MMP16: variants seen among roughly 807,000 people sequenced by gnomAD.
The protein encoded by MMP16 is matrix metalloproteinase-16.
A neutral mutation model predicts 67.8 loss-of-function variants in MMP16; 12 were observed. The ratio of observed to expected loss-of-function variants is 0.18; its 90% CI spans 0.11 to 0.29. The LOEUF is 0.29. MMP16 is among the 10% of genes least tolerant of loss of function. MMP16 has a pLI of 1.00. For synonymous variants in MMP16, 249 were observed against 255.9 expected (o/e 0.97, Z 0.26); for missense variants, 475 against 765.7 (o/e 0.62, Z 4.48).
chr8:88,234,341 T>C (rs956795240), intron 1 of MMP16, among the ~76,000 whole-genome samples: 2 of 152,200 alleles, frequency 1.3e-5, no homozygotes, highest in African/African-American at 4.8e-5. Context: ...ATTACTGCTT[T>C]CCTAAGAATT....
intron 1 of MMP16, among the ~76,000 whole-genome samples, chr8:88,254,908 G>C (rs1429429059): frequency 1.3e-5 from 2 of 152,078 alleles, no homozygotes; most frequent in African/African-American, 4.8e-5. Context: ...ATCACTATAA[G>C]ATATTAATAA....
chr8:88,295,540 G>A (rs1176558998), intron 1 of MMP16, among the ~76,000 whole-genome samples: 1 of 152,186 alleles, frequency 6.6e-6, no homozygotes, highest in Non-Finnish European at 1.5e-5. Context: ...TTATACTACA[G>A]AGGCTGTATC....
intron 8 of MMP16, among the ~76,000 whole-genome samples, chr8:88,047,587 T>C (rs1257013484): frequency 1.3e-5 from 2 of 152,096 alleles, no homozygotes; most frequent in Admixed American, 1.3e-4. Flanking sequence ...AAACTAGGAA[T>C]TGAAAATTCC....
At chr8:88,161,896 T>G (rs1021262100) in intron 4 of MMP16, among the ~76,000 whole-genome samples, 2 of 152,152 alleles carry the variant, frequency 1.3e-5, no homozygotes, top group African/African-American at 4.8e-5. Context: ...GAGTTCTAGT[T>G]TGATTGCGCT....
chr8:88,169,012 A>G (rs1015588369), intron 3 of MMP16, among the ~76,000 whole-genome samples: 1 of 152,118 alleles, frequency 6.6e-6, no homozygotes, highest in East Asian at 1.9e-4. Flanking sequence ...CAGCTGATAA[A>G]TAAAATATTT....
chr8:88,069,012 A>T (rs1329866016), intron 7 of MMP16, among the ~76,000 whole-genome samples: 2 of 152,120 alleles, frequency 1.3e-5, no homozygotes, highest in Non-Finnish European at 2.9e-5. Flanking sequence ...AAAATCAAGT[A>T]GCATTTCCAA....
chr8:88,173,065 G>A (rs186764923), intron 3 of MMP16, among the ~76,000 whole-genome samples: 172 of 152,126 alleles, frequency 1.1e-3, no homozygotes, highest in Admixed American at 2.8e-3. Context: ...TGTTGTTGTG[G>A]TTAAGACAGG....
chr8:88,281,897 G>A (rs929698897), intron 1 of MMP16, among the ~76,000 whole-genome samples: 2 of 152,046 alleles, frequency 1.3e-5, no homozygotes, highest in African/African-American at 4.8e-5. Context: ...ACCACCACAA[G>A]CTCTTCTATG....
intron 4 of MMP16, among the ~76,000 whole-genome samples, chr8:88,158,614 T>C (rs1808557130): frequency 6.6e-6 from 1 of 152,352 alleles, no homozygotes; most frequent in African/African-American, 2.4e-5. Context: ...ATTCTGTAGG[T>C]TGCCTGTTCA....
chr8:88,187,751 A>G (rs1041329114), intron 2 of MMP16, among the ~76,000 whole-genome samples: 8 of 152,226 alleles, frequency 5.3e-5, no homozygotes, highest in African/African-American at 1.9e-4. Flanking sequence ...TTACTTCTTA[A>G]GAAAGATGAC....
At chr8:88,186,414 G>C (rs969581570) in intron 3 of MMP16, 62 bp downstream of exon 3, 6 of 1,585,938 alleles carry the variant, frequency 3.8e-6, no homozygotes, top group Admixed American at 3.4e-5. Flanking sequence ...ACTAAACTAT[G>C]TGTCAAAACA....
intron 4 of MMP16, among the ~76,000 whole-genome samples, chr8:88,126,701 T>C (rs1193966511): frequency 2.0e-5 from 3 of 151,802 alleles, no homozygotes; most frequent in African/African-American, 7.2e-5. Flanking sequence ...CTTACATATA[T>C]ATCAAAAATA....
chr8:88,182,382 G>T (rs1016905487), intron 3 of MMP16, among the ~76,000 whole-genome samples: 1 of 152,002 alleles, frequency 6.6e-6, no homozygotes, highest in African/African-American at 2.4e-5. Flanking sequence ...CATATGAAAA[G>T]TTGCATCTTA....
At chr8:88,240,622 T>C (rs1450303868) in intron 1 of MMP16, among the ~76,000 whole-genome samples, 1 of 152,196 alleles carries the variant, frequency 6.6e-6, no homozygotes, top group Non-Finnish European at 1.5e-5. Flanking sequence ...GAATTTTCTA[T>C]GTGGATAATG....
intron 1 of MMP16, among the ~76,000 whole-genome samples, chr8:88,325,893 G>C (rs1425941525): frequency 6.6e-6 from 1 of 152,016 alleles, no homozygotes; most frequent in Non-Finnish European, 1.5e-5. Context: ...GTTATATTCA[G>C]AATATGCCTT....
At chr8:88,156,444 A>G (rs1352773143) in intron 4 of MMP16, among the ~76,000 whole-genome samples, 1 of 152,134 alleles carries the variant, frequency 6.6e-6, no homozygotes, top group Non-Finnish European at 1.5e-5. Flanking sequence ...TATGCAGTCA[A>G]CAGACTTAGG....
chr8:88,267,774 T>C (rs1810497377), intron 1 of MMP16, among the ~76,000 whole-genome samples: 1 of 152,224 alleles, frequency 6.6e-6, no homozygotes, highest in South Asian at 2.1e-4. Flanking sequence ...ATTCTCATAA[T>C]TGTTTATTAA....
chr8:88,109,322 T>G (rs140852800), intron 6 of MMP16, among the ~76,000 whole-genome samples: 275 of 151,472 alleles, frequency 1.8e-3, no homozygotes, highest in African/African-American at 6.3e-3. Context: ...TCAGGTAGAC[T>G]ATCACATAAT....
chr8:88,244,203 G>C (rs983084359), intron 1 of MMP16, among the ~76,000 whole-genome samples: 1 of 151,934 alleles, frequency 6.6e-6, no homozygotes, highest in African/African-American at 2.4e-5. Context: ...CAAACTCCTC[G>C]GCCGACTTAC....
Sources: gnomAD v4.1 joint callset for allele counts (sites outside exome capture counted in the v4.1 genomes callset) on GRCh38, gnomAD v4.1.1 for gene constraint, MANE v1.5 for transcripts, NCBI Gene and HGNC (gene_info 2026-07-23, HGNC 2026-07-21) for gene names.